The following EIF5B variants were observed in gnomAD, a reference collection of about 807,000 sequenced individuals.
The protein encoded by EIF5B is eIF-5B.
EIF5B carries 47 observed loss-of-function variants against 147.5 expected under a neutral mutation model. The observed-to-expected ratio is 0.32, with a 90% CI of 0.25 to 0.41. The LOEUF is 0.41. Among genes scored for constraint, EIF5B ranks in the 10% least tolerant of loss-of-function variants. The pLI, the probability that EIF5B is intolerant of heterozygous loss-of-function variation, is 1.00. For missense variants in EIF5B, 1,064 were observed against 1,413.2 expected (o/e 0.75, Z 3.96); for synonymous variants, 455 against 456.2 (o/e 1.00, Z 0.03).
Position 99,399,693 on chromosome 2 carries a change from C to A in EIF5B, c.*279C>A. ...CTTGGCTGCTGTTTTAAAGTTTGCC[C>A]TTCCCCAAATTTGGATTTTTATTAC... is the stretch of plus-strand genomic sequence containing the variant. On this transcript the variant is annotated 3_prime_UTR_variant, in exon 24 of 24. Coordinates refer to ENST00000289371, the MANE Select transcript of EIF5B (RefSeq NM_015904.4). The A allele has an allele frequency of 3.0e-6, 1 of 329,458 alleles. No individual in the cohort carries two copies. 20.4% of individuals were successfully genotyped at this position (329,458 alleles called of 1,614,324 possible). A position where few individuals can be genotyped will look rare whatever the true frequency, so the allele number is the denominator to read the frequency against.
At chr2:99,369,109 C>T (rs1040107287) in intron 7 of EIF5B, among the ~76,000 whole-genome samples, 3 of 152,006 alleles carry the variant, frequency 2.0e-5, no homozygotes, top group Non-Finnish European at 2.9e-5. Flanking sequence ...CCTGCCTCTA[C>T]TGAAAATAAG....
At chr2:99,340,903 G>A (rs542134513) in intron 1 of EIF5B, among the ~76,000 whole-genome samples, 1 of 152,216 alleles carries the variant, frequency 6.6e-6, no homozygotes, top group South Asian at 2.1e-4. Context: ...TCAAGTAGCT[G>A]GGATGACAGG....
chr2:99,359,541 G>A (rs1374632937), intron 1 of EIF5B, among the ~76,000 whole-genome samples: 13 of 152,124 alleles, frequency 8.5e-5, no homozygotes, highest in Non-Finnish European at 1.8e-4. Context: ...TTTTCTGTAG[G>A]TTTTAGCTGG....
chr2:99,363,523 A>C, intron 4 of EIF5B, 122 bp from the exon 5 acceptor site: 1 of 952,896 alleles, frequency 1.0e-6, no homozygotes, highest in Non-Finnish European at 1.6e-6. Context: ...TGTAGAACTT[A>C]GCCTGCTGCT....
chr2:99,395,888 C>T (rs930693243), intron 21 of EIF5B, among the ~76,000 whole-genome samples: 3 of 152,128 alleles, frequency 2.0e-5, no homozygotes, highest in Non-Finnish European at 4.4e-5. Flanking sequence ...GGACCTGTAT[C>T]GTCAAGGATC....
At chr2:99,398,961 C>G in intron 23 of EIF5B, 52 bp downstream of exon 23, 1 of 1,576,018 alleles carries the variant, frequency 6.3e-7, no homozygotes, top group Non-Finnish European at 8.6e-7. Flanking sequence ...AATCACTCTT[C>G]TTGGGTCACC....
chr2:99,356,213 A>G (rs1425136295), intron 1 of EIF5B, among the ~76,000 whole-genome samples: 1 of 152,158 alleles, frequency 6.6e-6, no homozygotes, highest in Non-Finnish European at 1.5e-5. Context: ...AGATTTCATT[A>G]TATCACTGAT....
At chr2:99,383,122 T>C (rs1674726973) in intron 14 of EIF5B, among the ~76,000 whole-genome samples, 1 of 152,178 alleles carries the variant, frequency 6.6e-6, no homozygotes, top group South Asian at 2.1e-4. Flanking sequence ...TGTAGCAGCC[T>C]TGCATCAAGC....
At chr2:99,358,323 T>C (rs984239755) in intron 1 of EIF5B, among the ~76,000 whole-genome samples, 4 of 152,212 alleles carry the variant, frequency 2.6e-5, no homozygotes, top group Middle Eastern at 3.4e-3. Context: ...TGCCTCAGCC[T>C]CCCAAAGCGC....
intron 4 of EIF5B, among the ~76,000 whole-genome samples, chr2:99,362,914 A>G (rs1674250019): frequency 6.6e-6 from 1 of 151,482 alleles, no homozygotes; most frequent in Non-Finnish European, 1.5e-5. Context: ...GCCCGCCACC[A>G]TGCCCGGCTA....
rs189364287 is a variant in EIF5B, at chr2:99,379,804, A to G, written c.2061+376A>G. ...TTTTCTTTTTCTCCCATATTTTTCT[A>G]CTTGTTTGGAGGTATTCAGTTTATG... is the stretch of plus-strand genomic sequence containing the variant. On this transcript the variant is annotated intron_variant, in intron 12 of 23. Transcript: ENST00000289371. Among the ~76,000 whole-genome samples the G allele has an allele frequency of 8.6e-4, 130 of 152,010 alleles. 1 individual carries two copies. The highest frequency in any genetic ancestry group is 6.9e-3 in the Admixed American group (105 of 15,270).
chr2:99,385,711 A>G (rs918533148), intron 14 of EIF5B, among the ~76,000 whole-genome samples: 1 of 152,234 alleles, frequency 6.6e-6, no homozygotes, highest in Admixed American at 6.5e-5. Context: ...GCTTTACTGC[A>G]GTTGTCTGAA....
At chr2:99,341,432 C>T (rs1338942716) in intron 1 of EIF5B, among the ~76,000 whole-genome samples, 1 of 152,206 alleles carries the variant, frequency 6.6e-6, no homozygotes. Context: ...TCTAGCCTTC[C>T]ATGCTGTCCC....
At chr2:99,384,200 A>AAAAAAAAAAG (rs1674752369) in intron 14 of EIF5B, among the ~76,000 whole-genome samples, 1 of 151,066 alleles carries the variant, frequency 6.6e-6, no homozygotes, top group Non-Finnish European at 1.5e-5. Context: ...CCGTCTCAAA[A>AAAAAAAAAAG]AAAAAAAGAA....
At chr2:99,355,387 T>A (rs945756068) in intron 1 of EIF5B, among the ~76,000 whole-genome samples, 1 of 152,118 alleles carries the variant, frequency 6.6e-6, no homozygotes, top group Non-Finnish European at 1.5e-5. Context: ...TAGGGCTGAT[T>A]GTCATCTTTA....
intron 14 of EIF5B, 112 bp from the exon 15 acceptor site, chr2:99,389,606 C>T: frequency 1.6e-6 from 1 of 641,142 alleles, no homozygotes; most frequent in Non-Finnish European, 2.3e-6. Context: ...ATGAGTAAGT[C>T]ACACTGTTCT....
At chr2:99,397,152 G>A (rs536070849) in intron 22 of EIF5B, 1 of 304,980 alleles carries the variant, frequency 3.3e-6, no homozygotes, top group South Asian at 1.0e-4. Flanking sequence ...CATAGTCAGT[G>A]TTGACTCAGT....
rs190999744 is a variant in EIF5B at position 99,364,419 on chromosome 2, A to C, written c.1286A>C (p.Gln429Pro). 4 of 1,594,712 alleles carry C rather than the reference A, an allele frequency of 2.5e-6. No individual in the cohort carries two copies. Among genetic ancestry groups the C allele is most frequent in the African/African-American group, 1.4e-5 (1 of 73,544 alleles). Residue 429 changes from glutamine to proline, a missense_variant and splice_region_variant, in exon 6 of 24, where the codon CAG becomes CCG. Physicochemically the swap from Gln to Pro is moderately conservative, Grantham distance 76 (BLOSUM62 -1). Transcript: ENST00000289371. ...AEATLKLLQA[Q>P]GVEVPSKDSL... ...GCTACTCTTAAACTGCTACAAGCTCAGGGTGAGTGGTACTCTTCATTAACT... is the reference window on the plus strand; with the variant it reads ...GCTACTCTTAAACTGCTACAAGCTCCGGGTGAGTGGTACTCTTCATTAACT...
intron 3 of EIF5B, 146 bp from the exon 4 acceptor site, chr2:99,361,002 T>C (rs1028702579): frequency 1.1e-6 from 1 of 908,616 alleles, no homozygotes; most frequent in African/African-American, 1.8e-5. Context: ...TCTTGCTTGT[T>C]TGAATTTTAT....
Sources: allele counts gnomAD v4.1 joint callset (sites outside exome capture counted in the v4.1 genomes callset), GRCh38; gene constraint gnomAD v4.1.1; transcripts MANE v1.5; gene names NCBI Gene and HGNC (gene_info 2026-07-23, HGNC 2026-07-21).